WNT3: variants seen among roughly 807,000 people sequenced by gnomAD.
The protein encoded by WNT3 is proto-oncogene Wnt-3.
Under a neutral mutation model 34.2 loss-of-function variants are expected in WNT3, and 7 were observed. That is an observed-to-expected ratio of 0.20 (90% CI 0.12 to 0.38). WNT3 has a LOEUF of 0.38. Among genes scored for constraint, WNT3 ranks in the 10% least tolerant of loss-of-function variants. The pLI is 1.00. For synonymous variants in WNT3, 212 were observed against 211.5 expected (o/e 1.00, Z -0.02); for missense variants, 267 against 499.8 (o/e 0.53, Z 4.44).
chr17:46,762,587 T>C lies in WNT3; in HGVS notation c.*2043A>G, dbSNP rs2059279037. 2.0e-5 allele frequency: 3 copies of C among 150,696 alleles called. No individual in the cohort carries two copies. The highest frequency in any genetic ancestry group is 2.0e-4 in the Admixed American group (3 of 15,114). 9.3% of individuals were successfully genotyped at this position (150,696 alleles called of 1,614,324 possible). A position where few individuals can be genotyped will look rare whatever the true frequency, so the allele number is the denominator to read the frequency against. On this transcript the variant is annotated 3_prime_UTR_variant, in exon 5 of 5. Coordinates refer to ENST00000225512, the MANE Select transcript of WNT3 (RefSeq NM_030753.5). ...AATATATTTTCTCCAAATATATATA[T>C]ATTTATATAATATATAATCTTAGTT...
chr17:46,818,635 T>C lies in WNT3; in HGVS notation c.-38A>G. On this transcript the variant is annotated 5_prime_UTR_variant, in exon 1 of 5. An upstream start codon of the reference 5' UTR is lost. Coordinates refer to ENST00000225512, the MANE Select transcript of WNT3 (RefSeq NM_030753.5). ...CGAGGAGGAAGTTTGCCCGCGACCA[T>C]GAAGAGGGGGAGCGACGCCCCCAAT... 6.4e-7 allele frequency: 1 copy of C among 1,550,586 alleles called. No individual in the cohort carries two copies. Among genetic ancestry groups the C allele is most frequent in the Non-Finnish European group, 8.8e-7 (1 of 1,140,122 alleles).
intron 1 of WNT3, among the ~76,000 whole-genome samples, 185 bp from the exon 2 acceptor site, chr17:46,774,094 C>T (rs766925397): frequency 3.9e-5 from 6 of 152,232 alleles, no homozygotes; most frequent in African/African-American, 1.4e-4. Context: ...CTCTGACCCA[C>T]GCAAGTCAGC....
rs2059281753 is a variant in WNT3, at chr17:46,763,048, G to A, written c.*1582C>T. On this transcript the variant is annotated 3_prime_UTR_variant, in exon 5 of 5. Transcript: ENST00000225512. ...GAGATGTGTATCTTTAGCAGGGCTT[G>A]TGGCCAGCAGATTTAGAAGTGAAGG... The A allele has an allele frequency of 1.3e-5, 2 of 152,184 alleles. No homozygotes were observed. The highest frequency in any genetic ancestry group is 1.3e-4 in the Admixed American group (2 of 15,286). The allele number at this position is 152,184 out of a possible 1,614,324, so 9.4% of individuals were successfully genotyped here.
rs949434290 is a variant in WNT3 at position 46,785,704 on chromosome 17, G to A, written c.81-11795C>T. Among the ~76,000 whole-genome samples, 6 of 152,234 alleles carry A rather than the reference G, an allele frequency of 3.9e-5. No homozygotes were observed. The East Asian group carries it at 5.8e-4, about 15-fold the overall frequency. On this transcript the variant is annotated intron_variant, in intron 1 of 4. Coordinates refer to ENST00000225512, the MANE Select transcript of WNT3 (RefSeq NM_030753.5). ...GGGAGGACCATGGTTCTGGGCAGCCGTGGGGAGAAGGAAAGGGTGCGGGCA... is the reference window on the plus strand; with the variant it reads ...GGGAGGACCATGGTTCTGGGCAGCCATGGGGAGAAGGAAAGGGTGCGGGCA...
chr17:46,795,617 C>T (rs938619856), intron 1 of WNT3, among the ~76,000 whole-genome samples: 2 of 152,184 alleles, frequency 1.3e-5, no homozygotes, highest in South Asian at 2.1e-4. Flanking sequence ...AAACATTTCC[C>T]GGCACACAGG....
intron 4 of WNT3, among the ~76,000 whole-genome samples, chr17:46,766,030 T>C (rs1156928338): frequency 6.6e-6 from 1 of 152,100 alleles, no homozygotes. Context: ...CTTGAAACCA[T>C]ATCTATGTAG....
chr17:46,791,986 G>A lies in WNT3; in HGVS notation c.81-18077C>T, dbSNP rs527296493. ...GCCCAGGAGTTTGAGGCTGTAGTAA[G>A]CTGTGATTGCACCACTGCACTCCAG... On this transcript the variant is annotated intron_variant, in intron 1 of 4. Coordinates refer to ENST00000225512, the MANE Select transcript of WNT3 (RefSeq NM_030753.5). Among the ~76,000 whole-genome samples, 5 of 152,304 alleles carry A rather than the reference G, an allele frequency of 3.3e-5. No homozygotes were observed. The South Asian group carries it at 1.0e-3, about 32-fold the overall frequency.
intron 1 of WNT3, among the ~76,000 whole-genome samples, chr17:46,814,495 C>T (rs1441058132): frequency 3.3e-5 from 5 of 152,188 alleles, no homozygotes; most frequent in Admixed American, 6.5e-5. Flanking sequence ...CTAATTTCCC[C>T]GCCATATCCC....
chr17:46,776,391 G>T (rs2146390917), intron 1 of WNT3, among the ~76,000 whole-genome samples: 1 of 152,334 alleles, frequency 6.6e-6, no homozygotes, highest in Non-Finnish European at 1.5e-5. Context: ...TTTATTATGG[G>T]CCTATCATGT....
At chr17:46,769,133 A>G (rs1179246631) in intron 3 of WNT3, among the ~76,000 whole-genome samples, 3 of 152,108 alleles carry the variant, frequency 2.0e-5, no homozygotes, top group Non-Finnish European at 4.4e-5. Flanking sequence ...CCTGGCCAAC[A>G]TGGCGAAACC....
chr17:46,815,718 C>G (rs1032474724), intron 1 of WNT3, among the ~76,000 whole-genome samples: 1 of 152,172 alleles, frequency 6.6e-6, no homozygotes, highest in African/African-American at 2.4e-5. Flanking sequence ...CCTGGACAGA[C>G]AGGACAAGCT....
intron 1 of WNT3, among the ~76,000 whole-genome samples, chr17:46,792,748 A>T (rs1344189842): frequency 6.6e-6 from 1 of 152,228 alleles, no homozygotes; most frequent in East Asian, 1.9e-4. Flanking sequence ...CTGGGACTAC[A>T]GGTGTGAGCC....
At chr17:46,770,707 C>T (rs2146376967) in intron 2 of WNT3, among the ~76,000 whole-genome samples, 1 of 152,332 alleles carries the variant, frequency 6.6e-6, no homozygotes, top group Non-Finnish European at 1.5e-5. Flanking sequence ...GGCCAACTCC[C>T]TCCCAGAAGG....
At position 46,762,785 on chromosome 17, in the gene WNT3, AATGCACTC is replaced by A. The variant is rs1469585329; in HGVS notation, c.*1837_*1844del. 6.6e-6 allele frequency: 1 copy of A among 152,148 alleles called. No homozygotes were observed. Among genetic ancestry groups the A allele is most frequent in the Non-Finnish European group, 1.5e-5 (1 of 68,022 alleles). 9.4% of individuals were successfully genotyped at this position (152,148 alleles called of 1,614,324 possible). A position where few individuals can be genotyped will look rare whatever the true frequency, so the allele number is the denominator to read the frequency against. The stretch of plus-strand genomic sequence containing the variant: ...ACCTGACTACGGCGAGAATCATTAC[AATGCACTC>A]ATGTACTATTATTAAATAATTACTT... On this transcript the variant is annotated 3_prime_UTR_variant, in exon 5 of 5. Coordinates refer to ENST00000225512, the MANE Select transcript of WNT3 (RefSeq NM_030753.5).
At chr17:46,804,661 C>T (rs1032798948) in intron 1 of WNT3, among the ~76,000 whole-genome samples, 1 of 152,172 alleles carries the variant, frequency 6.6e-6, no homozygotes, top group Non-Finnish European at 1.5e-5. Context: ...GATGGGTCAC[C>T]TGGGAGGAAT....
intron 1 of WNT3, among the ~76,000 whole-genome samples, chr17:46,805,630 A>G (rs2084185344): frequency 1.3e-5 from 2 of 152,198 alleles, no homozygotes; most frequent in South Asian, 2.1e-4. Context: ...GCTTGCCTGT[A>G]GTCTTAGTGA....
chr17:46,771,334 C>T (rs1003604786), intron 2 of WNT3, among the ~76,000 whole-genome samples: 9 of 152,088 alleles, frequency 5.9e-5, no homozygotes, highest in Admixed American at 5.2e-4. Context: ...CTCACTCGCC[C>T]CAATCCTAGA....
At position 46,768,818 on chromosome 17, in the gene WNT3, A is replaced by G. The variant is rs112521749; in HGVS notation, c.589-19T>C. 1 of 1,610,896 alleles carries G rather than the reference A, an allele frequency of 6.2e-7. No individual in the cohort carries two copies. The highest frequency in any genetic ancestry group is 8.5e-7 in the Non-Finnish European group (1 of 1,178,944). Reference sequence around the variant, plus strand: ...GGATAGTCTGGGGGAGAGAAGTGGCAGCTGGCCAACAGACCGACCCCACGA... The same window carrying G: ...GGATAGTCTGGGGGAGAGAAGTGGCGGCTGGCCAACAGACCGACCCCACGA... On this transcript the variant is annotated intron_variant, in intron 3 of 4. Coordinates refer to ENST00000225512, the MANE Select transcript of WNT3 (RefSeq NM_030753.5). This position sits in a 1 kb window ranked among gnomAD's most constrained non-coding sequence, Gnocchi z 5.0.
Position 46,800,236 on chromosome 17 carries a change from G to A in WNT3, c.80+18282C>T, listed in dbSNP as rs1333769857. Reference sequence around the variant, plus strand: ...AGTGATTCTCCTGCCTTAGCCTCCCGAGTAGCTGGCATTACAGCTGCCCAC... The same window carrying A: ...AGTGATTCTCCTGCCTTAGCCTCCCAAGTAGCTGGCATTACAGCTGCCCAC... On this transcript the variant is annotated intron_variant, in intron 1 of 4. Transcript: ENST00000225512. 2.6e-5 allele frequency among the ~76,000 whole-genome samples: 4 copies of A among 152,072 alleles called. No homozygotes were observed. The East Asian group carries it at 5.8e-4, about 22-fold the overall frequency.
Sources: allele counts gnomAD v4.1 joint callset (sites outside exome capture counted in the v4.1 genomes callset), GRCh38; gene constraint gnomAD v4.1.1; non-coding constraint Gnocchi (gnomAD v3.1); transcripts MANE v1.5; gene names NCBI Gene and HGNC (gene_info 2026-07-23, HGNC 2026-07-21).